The following BRINP1 variants were observed in gnomAD, a reference collection of about 807,000 sequenced individuals.
BRINP1 encodes BMP/retinoic acid inducible neural specific 1.
Under a neutral mutation model 72.9 loss-of-function variants are expected in BRINP1, and 17 were observed. That is an observed-to-expected ratio of 0.23 (90% confidence interval 0.16 to 0.35). BRINP1 has a LOEUF of 0.35. Ranked by LOEUF, BRINP1 falls within the 10% of genes least tolerant of loss-of-function variation. BRINP1 has a pLI of 1.00. For missense variants in BRINP1, 850 were observed against 1,001.6 expected (o/e 0.85, Z 2.04); for synonymous variants, 418 against 378.5 (o/e 1.10, Z -1.21).
intron 2 of BRINP1, among the ~76,000 whole-genome samples, chr9:119,292,585 G>A (rs1264312201): frequency 1.3e-5 from 2 of 152,118 alleles, no homozygotes; most frequent in Admixed American, 6.5e-5. Flanking sequence ...TTCATCTATC[G>A]CTTAATTAGG....
At chr9:119,271,166 G>A (rs1830601409) in intron 2 of BRINP1, among the ~76,000 whole-genome samples, 1 of 152,010 alleles carries the variant, frequency 6.6e-6, no homozygotes, top group South Asian at 2.1e-4. Flanking sequence ...AGAAAAGGAA[G>A]TATTTTAGGC....
intron 5 of BRINP1, among the ~76,000 whole-genome samples, chr9:119,221,904 C>A (rs1830044983): frequency 6.6e-6 from 1 of 152,120 alleles, no homozygotes; most frequent in Admixed American, 6.6e-5. Flanking sequence ...ACAAACAAAT[C>A]TTGGTTCCAT....
chr9:119,367,859 T>C (rs1831711909), intron 1 of BRINP1, among the ~76,000 whole-genome samples: 1 of 152,108 alleles, frequency 6.6e-6, no homozygotes, highest in Admixed American at 6.6e-5. Flanking sequence ...GCTCTCTCTC[T>C]CTCCCTCTCC....
chr9:119,352,780 TTC>T (rs1306605396), intron 1 of BRINP1, among the ~76,000 whole-genome samples: 35 of 152,236 alleles, frequency 2.3e-4, no homozygotes, highest in African/African-American at 8.2e-4. Context: ...TGTTCTAAGA[TTC>T]TCTGATTCCA....
intron 2 of BRINP1, among the ~76,000 whole-genome samples, chr9:119,260,659 T>C (rs1830486517): frequency 6.6e-6 from 1 of 152,208 alleles, no homozygotes; most frequent in South Asian, 2.1e-4. Context: ...GGAGAACTTT[T>C]AAACCTGAAT....
chr9:119,304,124 C>T lies in BRINP1; in HGVS notation c.218+9014G>A, dbSNP rs997194008. On this transcript the variant is annotated intron_variant, in intron 2 of 7. Transcript: ENST00000265922. ...CAAACTCCTGACCTCAAGTGATCTGCCCACCTTGGCCTCCCAAAGTGCTGG... is the reference window on the plus strand; with the variant it reads ...CAAACTCCTGACCTCAAGTGATCTGTCCACCTTGGCCTCCCAAAGTGCTGG... 2.0e-5 allele frequency among the ~76,000 whole-genome samples: 3 copies of T among 152,094 alleles called. No homozygotes were observed. In the East Asian group the frequency reaches 5.8e-4, roughly 29 times the overall value.
rs10984460 is a variant in BRINP1 at position 119,263,764 on chromosome 9, C to T, written c.219-14614G>A. Among the ~76,000 whole-genome samples the T allele has an allele frequency of 2.8e-3, 423 of 151,992 alleles. 2 individuals are homozygous for T. Among genetic ancestry groups the T allele is most frequent in the East Asian group, 0.018 (95 of 5,148 alleles). On this transcript the variant is annotated intron_variant, in intron 2 of 7. Coordinates refer to ENST00000265922, the MANE Select transcript of BRINP1 (RefSeq NM_014618.3). ...CTGGGACTACAGGTGCCCACTACCA[C>T]GTCTGGCTAATTTTTTTGTATTTTT...
intron 1 of BRINP1, among the ~76,000 whole-genome samples, chr9:119,318,844 G>GGGGGGGT (rs111313745): frequency 9.8e-5 from 14 of 142,236 alleles, no homozygotes; most frequent in East Asian, 8.2e-4. Context: ...AAATGTGTGG[G>GGGGGGGT]GTGTGTGTGT....
Position 119,214,079 on chromosome 9 carries a change from C to A in BRINP1, c.762G>T (p.Gly254=). 1 of 1,614,060 alleles carries A rather than the reference C, an allele frequency of 6.2e-7. No homozygotes were observed. Among genetic ancestry groups the A allele is most frequent in the East Asian group, 2.2e-5 (1 of 44,882 alleles). The part of the protein sequence containing the change: ...QSALSYIMCN[G]EGEYLCQNSQ... ...TGTTCTGGCACAGGTACTCCCCCTC[C>A]CCATTGCACATGATATAGCTCAAGG... is the stretch of plus-strand genomic sequence containing the variant. Residue 254 remains glycine (G), a synonymous_variant, in exon 6 of 8, where the codon GGG becomes GGT. Coordinates refer to ENST00000265922, the MANE Select transcript of BRINP1 (RefSeq NM_014618.3).
intron 1 of BRINP1, among the ~76,000 whole-genome samples, chr9:119,336,950 G>A (rs528381089): frequency 6.6e-6 from 1 of 152,228 alleles, no homozygotes; most frequent in Admixed American, 6.5e-5. Context: ...GAAATGGGAT[G>A]GGGAAGCCTT....
chr9:119,367,796 T>A (rs1397060871), intron 1 of BRINP1, among the ~76,000 whole-genome samples: 1 of 152,046 alleles, frequency 6.6e-6, no homozygotes. Context: ...AAATTGTAGA[T>A]CTCCCTCAGT....
intron 7 of BRINP1, among the ~76,000 whole-genome samples, chr9:119,196,778 G>C (rs1298178143): frequency 6.6e-6 from 1 of 152,160 alleles, no homozygotes; most frequent in Non-Finnish European, 1.5e-5. Flanking sequence ...TCAGTCCTCT[G>C]GTTCCAAAGC....
intron 2 of BRINP1, among the ~76,000 whole-genome samples, chr9:119,269,724 G>T (rs1830589410): frequency 6.6e-6 from 1 of 152,202 alleles, no homozygotes; most frequent in Middle Eastern, 3.4e-3. Flanking sequence ...GAGCCAGGAG[G>T]TTTATATAAA....
intron 2 of BRINP1, among the ~76,000 whole-genome samples, chr9:119,306,730 T>A (rs1831001158): frequency 6.6e-6 from 1 of 152,190 alleles, no homozygotes; most frequent in African/African-American, 2.4e-5. Flanking sequence ...ATTTTCTTTT[T>A]TTGACTGGAG....
At chr9:119,362,314 T>C (rs184567226) in intron 1 of BRINP1, among the ~76,000 whole-genome samples, 16 of 152,246 alleles carry the variant, frequency 1.1e-4, no homozygotes, top group Admixed American at 6.5e-4. Context: ...TCCGAATTAA[T>C]GGAGACAGAA....
chr9:119,328,590 C>T (rs1831262620), intron 1 of BRINP1, among the ~76,000 whole-genome samples: 1 of 152,124 alleles, frequency 6.6e-6, no homozygotes, highest in African/African-American at 2.4e-5. Flanking sequence ...GGTGGCCAAA[C>T]TCTGGACCAG....
intron 2 of BRINP1, among the ~76,000 whole-genome samples, chr9:119,309,610 C>T (rs372411856): frequency 1.3e-5 from 2 of 152,298 alleles, no homozygotes; most frequent in East Asian, 1.9e-4. Flanking sequence ...AGATAACTTA[C>T]ATTTTACAAG....
intron 2 of BRINP1, among the ~76,000 whole-genome samples, chr9:119,267,215 C>T (rs1329040667): frequency 6.6e-6 from 1 of 152,234 alleles, no homozygotes; most frequent in Non-Finnish European, 1.5e-5. Flanking sequence ...ATCATGGATA[C>T]TTACTTGCTT....
At chr9:119,367,245 TTCCTAGA>T (rs1554757540) in intron 1 of BRINP1, among the ~76,000 whole-genome samples, 49 of 141,438 alleles carry the variant, frequency 3.5e-4, no homozygotes, top group East Asian at 1.4e-3. Context: ...TATATATATC[TTCCTAGA>T]ATATATGTGT....
Sources: allele counts gnomAD v4.1 joint callset (sites outside exome capture counted in the v4.1 genomes callset), GRCh38; gene constraint gnomAD v4.1.1; transcripts MANE v1.5; gene names NCBI Gene and HGNC (gene_info 2026-07-23, HGNC 2026-07-21).